The following UGCG variants were observed in gnomAD, a reference collection of about 807,000 sequenced individuals.
The protein encoded by UGCG is UDP-glucose ceramide glucosyltransferase.
In UGCG, 10 loss-of-function variants were observed where a neutral mutation model predicts 49.5. The ratio of observed to expected loss-of-function variants is 0.20; its 90% CI spans 0.12 to 0.34. The LOEUF (loss-of-function observed/expected upper bound fraction) is 0.34. Ranked by LOEUF, UGCG falls within the 10% of genes least tolerant of loss-of-function variation. UGCG has a pLI of 1.00. For missense variants in UGCG, 312 were observed against 483.7 expected, an observed-to-expected ratio of 0.65 and a Z score of 3.33; for synonymous variants, 182 against 158.2, an observed-to-expected ratio of 1.15 and a Z score of -1.13.
chr9:111,911,220 C>T (rs1180933227), intron 1 of UGCG, among the ~76,000 whole-genome samples: 1 of 152,134 alleles, frequency 6.6e-6, no homozygotes, highest in Non-Finnish European at 1.5e-5. Flanking sequence ...TCTCCATCTC[C>T]AGGTCACCAG....
Position 111,924,881 on chromosome 9 carries a change from G to A in UGCG, c.445+3G>A. 1 of 1,454,328 alleles carries A rather than the reference G, an allele frequency of 6.9e-7. No individual in the cohort carries two copies. The highest frequency in any genetic ancestry group is 2.6e-5 in the East Asian group (1 of 38,372). The allele number at this position is 1,454,328 out of a possible 1,614,324, so 90.1% of individuals were successfully genotyped here. On this transcript the variant is annotated splice_donor_region_variant and intron_variant, in intron 4 of 8. Transcript: ENST00000374279. ...GATTTGTGATAGTGGAATAAGAGGT[G>A]AGGTTTTTTTCTTATTTATTTTATA...
chr9:111,898,672 A>G (rs1458352588), intron 1 of UGCG, among the ~76,000 whole-genome samples: 1 of 152,208 alleles, frequency 6.6e-6, no homozygotes, highest in Non-Finnish European at 1.5e-5. Context: ...CCGTCATAAA[A>G]ATAAAAAATG....
chr9:111,919,791 T>C lies in UGCG; in HGVS notation c.241-3058T>C, dbSNP rs1314020779. ...GCCTGGGTGACAGAGCGAGACTCCA[T>C]CTCAAAAAAAAAAAAAAAAAAGAAA... On this transcript the variant is annotated intron_variant, in intron 2 of 8. Transcript: ENST00000374279. 9.1e-5 allele frequency among the ~76,000 whole-genome samples: 11 copies of C among 121,194 alleles called. No homozygotes were observed. The Admixed American group carries it at 9.4e-4, about 10-fold the overall frequency. The allele number at this position is 121,194 out of a possible 152,430, so 79.5% of individuals were successfully genotyped here.
chr9:111,903,199 G>T (rs1837811326), intron 1 of UGCG, among the ~76,000 whole-genome samples: 1 of 152,154 alleles, frequency 6.6e-6, no homozygotes, highest in Non-Finnish European at 1.5e-5. Flanking sequence ...GTCTCCAGTG[G>T]GTTTCCCTGC....
chr9:111,929,170 CAGTAA>C, intron 5 of UGCG: 1 of 226,666 alleles, frequency 4.4e-6, no homozygotes, highest in Non-Finnish European at 8.7e-6. Flanking sequence ...ATATTGATCC[CAGTAA>C]AGTAGATGTG....
rs1386691876 is a variant in UGCG, at chr9:111,934,592, CT to C, written c.*1598del. On this transcript the variant is annotated 3_prime_UTR_variant, in exon 9 of 9. Coordinates refer to ENST00000374279, the MANE Select transcript of UGCG (RefSeq NM_003358.3). ...CATATTTATAGAAAACACTTTTTCA[CT>C]TTACTGAGCCAATTCATTTAATTGT... 1 of 152,172 alleles carries C rather than the reference CT, an allele frequency of 6.6e-6. No individual in the cohort carries two copies. The highest frequency in any genetic ancestry group is 1.5e-5 in the Non-Finnish European group (1 of 68,022). 9.4% of individuals were successfully genotyped at this position (152,172 alleles called of 1,614,324 possible).
intron 1 of UGCG, among the ~76,000 whole-genome samples, chr9:111,910,683 G>A (rs1837980051): frequency 6.6e-6 from 1 of 152,138 alleles, no homozygotes; most frequent in East Asian, 1.9e-4. Context: ...GGTACACAGG[G>A]AGGTTGCATT....
chr9:111,916,442 G>C (rs973337524), intron 2 of UGCG, among the ~76,000 whole-genome samples: 12 of 152,204 alleles, frequency 7.9e-5, no homozygotes, highest in Admixed American at 7.2e-4. Context: ...GTCAGTGAGG[G>C]GTTTAGTTGT....
chr9:111,918,105 A>C (rs1352729449), intron 2 of UGCG, among the ~76,000 whole-genome samples: 5 of 151,946 alleles, frequency 3.3e-5, no homozygotes, highest in Non-Finnish European at 7.4e-5. Context: ...ACAATGCCAC[A>C]ATCTCGGCTC....
At chr9:111,929,355 C>A in intron 5 of UGCG, 145 bp from the exon 6 acceptor site, 1 of 785,104 alleles carries the variant, frequency 1.3e-6, no homozygotes, top group Non-Finnish European at 1.9e-6. Context: ...TATTGTCTAC[C>A]ACTTTTTATT....
At chr9:111,916,013 T>C (rs942443128) in intron 2 of UGCG, among the ~76,000 whole-genome samples, 3 of 152,158 alleles carry the variant, frequency 2.0e-5, no homozygotes, top group Non-Finnish European at 4.4e-5. Context: ...TTGAATTAAA[T>C]ACATGTGTTA....
intron 7 of UGCG, 184 bp from the exon 8 acceptor site, chr9:111,931,986 C>T: frequency 1.6e-6 from 1 of 637,594 alleles, no homozygotes; most frequent in Admixed American, 3.0e-5. Context: ...TGCCACTGCA[C>T]TCCAGCCTGG....
intron 5 of UGCG, among the ~76,000 whole-genome samples, chr9:111,929,013 A>G (rs558080490): frequency 1.1e-4 from 16 of 152,078 alleles, no homozygotes; most frequent in Non-Finnish European, 1.8e-4. Flanking sequence ...AGGATGCAAG[A>G]AAAGGAATTA....
At position 111,897,129 on chromosome 9, in the gene UGCG, A is replaced by C. The variant is rs1589513687; in HGVS notation, c.-87A>C. The stretch of plus-strand genomic sequence containing the variant: ...TTCCTCTCGCCTCCCGCGCCCCCGC[A>C]CCGGGCGCCCACCCTGTCCTCCTCC... On this transcript the variant is annotated 5_prime_UTR_variant, in exon 1 of 9. Transcript: ENST00000374279. The C allele has an allele frequency of 1.1e-6, 1 of 873,234 alleles. No individual in the cohort carries two copies. 54.1% of individuals were successfully genotyped at this position (873,234 alleles called of 1,614,324 possible).
At chr9:111,904,816 T>G (rs745855432) in intron 1 of UGCG, among the ~76,000 whole-genome samples, 9 of 152,120 alleles carry the variant, frequency 5.9e-5, no homozygotes, top group Non-Finnish European at 1.2e-4. Context: ...GAGCCAAGGT[T>G]GTGCCATTGC....
intron 1 of UGCG, among the ~76,000 whole-genome samples, chr9:111,914,259 A>ATTCTGG (rs1838071223): frequency 6.6e-6 from 1 of 152,176 alleles, no homozygotes; most frequent in Non-Finnish European, 1.5e-5. Context: ...ATAGTCAGAG[A>ATTCTGG]GTAGTACATC....
chr9:111,912,319 T>G (rs1838025608), intron 1 of UGCG, among the ~76,000 whole-genome samples: 1 of 152,042 alleles, frequency 6.6e-6, no homozygotes, highest in Non-Finnish European at 1.5e-5. Flanking sequence ...GGTTCACACC[T>G]GTAATCCCAG....
chr9:111,913,624 G>A (rs1380783126), intron 1 of UGCG, among the ~76,000 whole-genome samples: 1 of 142,108 alleles, frequency 7.0e-6, no homozygotes, highest in Non-Finnish European at 1.5e-5. Context: ...TTTTTTAGTA[G>A]AGATGGAGTT....
chr9:111,907,820 G>T (rs1027286338), intron 1 of UGCG, among the ~76,000 whole-genome samples: 1 of 151,952 alleles, frequency 6.6e-6, no homozygotes, highest in African/African-American at 2.4e-5. Flanking sequence ...GAAGAGATAG[G>T]GTTTCACCAT....
Sources: gnomAD v4.1 joint callset for allele counts (sites outside exome capture counted in the v4.1 genomes callset) on GRCh38, gnomAD v4.1.1 for gene constraint, MANE v1.5 for transcripts, NCBI Gene and HGNC (gene_info 2026-07-23, HGNC 2026-07-21) for gene names.